FAM135B: variants seen among roughly 807,000 people sequenced by gnomAD.
FAM135B encodes the protein family with sequence similarity 135 member B.
FAM135B carries 43 observed loss-of-function variants against 127.7 expected under a neutral mutation model. The observed-to-expected ratio is 0.34, with a 90% CI of 0.26 to 0.43. The LOEUF is 0.43. Ranked by LOEUF, FAM135B falls within the 20% of genes least tolerant of loss-of-function variation. FAM135B has a pLI of 1.00. For synonymous variants in FAM135B, 670 were observed against 665.1 expected (o/e 1.01, Z -0.11); for missense variants, 1,558 against 1,725.6 (o/e 0.90, Z 1.72).
intron 7 of FAM135B, among the ~76,000 whole-genome samples, chr8:138,201,950 A>G (rs542703475): frequency 6.6e-6 from 1 of 151,762 alleles, no homozygotes; most frequent in African/African-American, 2.4e-5. Flanking sequence ...ACATGGAGAA[A>G]CTCCCTCTCT....
Position 138,162,063 on chromosome 8 carries a change from A to G in FAM135B, c.1258+5832T>C, listed in dbSNP as rs538817532. ...TTGCTTCAATATCATTTAGTCCCAC[A>G]CACAGTACTTTGACATATTCTATGT... On this transcript the variant is annotated intron_variant, in intron 12 of 19. Coordinates refer to ENST00000395297, the MANE Select transcript of FAM135B (RefSeq NM_015912.4). 2.0e-5 allele frequency among the ~76,000 whole-genome samples: 3 copies of G among 152,350 alleles called. No homozygotes were observed. The East Asian group carries it at 5.8e-4, about 29-fold the overall frequency.
chr8:138,169,185 A>G lies in FAM135B; in HGVS notation c.1104-1136T>C, dbSNP rs1403954606. 3.3e-5 allele frequency among the ~76,000 whole-genome samples: 5 copies of G among 152,066 alleles called. No homozygotes were observed. The East Asian group carries it at 7.7e-4, about 23-fold the overall frequency. ...TATCTATTTAATATACATATTAAAT[A>G]TGTATATTTTGTTTCCTTCTCATTT... On this transcript the variant is annotated intron_variant, in intron 11 of 19. Coordinates refer to ENST00000395297, the MANE Select transcript of FAM135B (RefSeq NM_015912.4).
At chr8:138,171,609 A>G (rs10103726) in intron 11 of FAM135B, among the ~76,000 whole-genome samples, 1 of 152,018 alleles carries the variant, frequency 6.6e-6, no homozygotes, top group Non-Finnish European at 1.5e-5. Flanking sequence ...ATTAATCAAC[A>G]TGGCATATGC....
intron 2 of FAM135B, among the ~76,000 whole-genome samples, chr8:138,360,265 A>T (rs980605252): frequency 5.9e-5 from 9 of 152,230 alleles, no homozygotes; most frequent in African/African-American, 2.2e-4. Flanking sequence ...ATGCAGGTTC[A>T]TGCTCTTGTA....
intron 1 of FAM135B, chr8:138,425,593 G>A (rs1757392115): frequency 6.6e-6 from 1 of 152,060 alleles, no homozygotes; most frequent in South Asian, 2.1e-4. Context: ...TGGCTTAAAT[G>A]AACATTCCAT....
chr8:138,411,439 A>G (rs1342130302), intron 1 of FAM135B, among the ~76,000 whole-genome samples: 2 of 152,152 alleles, frequency 1.3e-5, no homozygotes, highest in African/African-American at 4.8e-5. Context: ...CCATATGTAG[A>G]AAGCTGAAAC....
intron 3 of FAM135B, among the ~76,000 whole-genome samples, chr8:138,304,990 C>T (rs1169341310): frequency 2.0e-5 from 3 of 152,188 alleles, no homozygotes; most frequent in African/African-American, 4.8e-5. Flanking sequence ...TCTTCTGTGG[C>T]CCCAGGCTGG....
chr8:138,281,647 A>C (rs1414782328), intron 3 of FAM135B, among the ~76,000 whole-genome samples: 1 of 151,862 alleles, frequency 6.6e-6, no homozygotes, highest in Non-Finnish European at 1.5e-5. Flanking sequence ...TTTCCTCTTG[A>C]CCCTCTGATA....
intron 1 of FAM135B, among the ~76,000 whole-genome samples, chr8:138,426,798 C>G (rs1020740598): frequency 6.6e-6 from 1 of 151,886 alleles, no homozygotes; most frequent in East Asian, 1.9e-4. Context: ...ATTATGATAT[C>G]TACCTTTTAA....
intron 1 of FAM135B, among the ~76,000 whole-genome samples, chr8:138,380,178 T>A (rs1831754917): frequency 6.6e-6 from 1 of 151,270 alleles, no homozygotes; most frequent in African/African-American, 2.5e-5. Flanking sequence ...TCTTTCTTTT[T>A]TTCTTTTCTT....
intron 2 of FAM135B, among the ~76,000 whole-genome samples, chr8:138,342,869 C>T (rs1417262085): frequency 6.6e-6 from 1 of 152,196 alleles, no homozygotes; most frequent in Admixed American, 6.5e-5. Context: ...TATGTGTAAA[C>T]AGCTATGCAT....
chr8:138,490,049 CTTT>C (rs1016994883), intron 1 of FAM135B, among the ~76,000 whole-genome samples: 8 of 152,132 alleles, frequency 5.3e-5, no homozygotes, highest in Non-Finnish European at 8.8e-5. Flanking sequence ...ACATTATCTT[CTTT>C]ATCTTGGCCC....
In FAM135B at chr8:138,132,418, C is replaced by T. The variant is rs2130477139; in HGVS notation, c.*175G>A. 3 of 603,984 alleles carry T rather than the reference C, an allele frequency of 5.0e-6. No homozygotes were observed. Among genetic ancestry groups the T allele is most frequent in the Admixed American group, 2.9e-5 (1 of 34,210 alleles). 37.4% of individuals were successfully genotyped at this position (603,984 alleles called of 1,614,324 possible). A position where few individuals can be genotyped will look rare whatever the true frequency, so the allele number is the denominator to read the frequency against. On this transcript the variant is annotated 3_prime_UTR_variant, in exon 20 of 20. Transcript: ENST00000395297. This position sits in a 1 kb window ranked among gnomAD's most constrained non-coding sequence, Gnocchi z 4.5. ...TTTGTTGTCATTTAGTCTATTTGCT[C>T]AGCTTTCTCGAATCTCCAAAACAAA...
intron 1 of FAM135B, among the ~76,000 whole-genome samples, chr8:138,409,744 G>A (rs1266989487): frequency 6.6e-6 from 1 of 151,938 alleles, no homozygotes; most frequent in African/African-American, 2.4e-5. Context: ...GCATGGTGGT[G>A]GGCGCTTGTA....
intron 2 of FAM135B, among the ~76,000 whole-genome samples, chr8:138,343,975 T>C (rs1829228218): frequency 6.6e-6 from 1 of 152,134 alleles, no homozygotes; most frequent in Non-Finnish European, 1.5e-5. Flanking sequence ...TCTTCGAGGC[T>C]TGTGCCATTT....
chr8:138,238,187 G>A (rs1820449960), intron 7 of FAM135B, among the ~76,000 whole-genome samples: 1 of 152,134 alleles, frequency 6.6e-6, no homozygotes, highest in Non-Finnish European at 1.5e-5. Context: ...GCTCTTGGAG[G>A]AAGATTTGAT....
At chr8:138,315,674 T>TA (rs34949524) in intron 2 of FAM135B, among the ~76,000 whole-genome samples, 7 of 150,618 alleles carry the variant, frequency 4.6e-5, no homozygotes, top group Admixed American at 2.7e-4. Flanking sequence ...ATTCAGCCTT[T>TA]AAAAAAAAAA....
intron 2 of FAM135B, among the ~76,000 whole-genome samples, chr8:138,356,090 G>A (rs901859815): frequency 6.6e-6 from 1 of 152,116 alleles, no homozygotes; most frequent in Non-Finnish European, 1.5e-5. Flanking sequence ...CAGCACTAGG[G>A]CCCTCACCAG....
chr8:138,455,786 T>C (rs1347745464), intron 1 of FAM135B, among the ~76,000 whole-genome samples: 1 of 152,184 alleles, frequency 6.6e-6, no homozygotes, highest in African/African-American at 2.4e-5. Context: ...ACTATGGTGG[T>C]ACAGTTTCTA....
Sources: gnomAD v4.1 joint callset for allele counts (sites outside exome capture counted in the v4.1 genomes callset) on GRCh38, gnomAD v4.1.1 for gene constraint, Gnocchi (gnomAD v3.1) non-coding constraint, MANE v1.5 for transcripts, NCBI Gene and HGNC (gene_info 2026-07-23, HGNC 2026-07-21) for gene names.